FAM107B: variants seen among roughly 807,000 people sequenced by gnomAD.
FAM107B encodes family with sequence similarity 107 member B.
Under a neutral mutation model 31.5 loss-of-function variants are expected in FAM107B, and 21 were observed. The ratio of observed to expected loss-of-function variants is 0.67; its 90% confidence interval spans 0.47 to 0.96. The LOEUF (loss-of-function observed/expected upper bound fraction) is 0.96, where lower values mean the gene tolerates loss of function less well. Ranked by LOEUF, FAM107B falls within the 40% of genes least tolerant of loss-of-function variation. The probability of loss-of-function intolerance (pLI) is 0.00; values close to 1 mark genes in which losing one functional copy is unlikely to be tolerated. For missense variants in FAM107B, 452 were observed against 377.1 expected, an observed-to-expected ratio of 1.20 and a Z score of -1.64; for synonymous variants, 157 against 141.5, an observed-to-expected ratio of 1.11 and a Z score of -0.78.
intron 1 of FAM107B, among the ~76,000 whole-genome samples, chr10:14,736,562 A>G (rs1057081801): frequency 6.6e-6 from 1 of 152,232 alleles, no homozygotes; most frequent in Non-Finnish European, 1.5e-5. Flanking sequence ...TTACCAAAAA[A>G]TAAAAACAAG....
At chr10:14,761,033 A>AG (rs1229230836) in intron 1 of FAM107B, among the ~76,000 whole-genome samples, 3 of 150,870 alleles carry the variant, frequency 2.0e-5, no homozygotes, top group Admixed American at 6.6e-5. Context: ...AAAAAAAAAA[A>AG]AAAGAAAGAC....
At chr10:14,581,414 C>T (rs2131305880) in intron 2 of FAM107B, among the ~76,000 whole-genome samples, 1 of 152,314 alleles carries the variant, frequency 6.6e-6, no homozygotes, top group Middle Eastern at 3.4e-3. Context: ...AGATGCATTC[C>T]ACAACTCAAG....
chr10:14,691,978 C>G (rs146720651), intron 1 of FAM107B, among the ~76,000 whole-genome samples: 2 of 152,000 alleles, frequency 1.3e-5, no homozygotes, highest in Non-Finnish European at 2.9e-5. Context: ...ATGCTTCTAC[C>G]TACATCACTG....
At chr10:14,759,047 G>T (rs922965591) in intron 1 of FAM107B, among the ~76,000 whole-genome samples, 3 of 151,452 alleles carry the variant, frequency 2.0e-5, no homozygotes, top group Non-Finnish European at 4.4e-5. Flanking sequence ...GTGTGGTGGC[G>T]CATGACTGTA....
At chr10:14,701,519 A>C (rs1037233079) in intron 1 of FAM107B, among the ~76,000 whole-genome samples, 1 of 152,236 alleles carries the variant, frequency 6.6e-6, no homozygotes, top group Admixed American at 6.5e-5. Flanking sequence ...TGCTGGGATC[A>C]TAGGCATGAG....
At chr10:14,552,956 A>C (rs1849392161) in intron 2 of FAM107B, among the ~76,000 whole-genome samples, 1 of 152,240 alleles carries the variant, frequency 6.6e-6, no homozygotes, top group East Asian at 1.9e-4. Flanking sequence ...TTGCCACAGT[A>C]ATTTGGCAGC....
At chr10:14,567,173 T>TA (rs1850743679) in intron 2 of FAM107B, among the ~76,000 whole-genome samples, 1 of 151,762 alleles carries the variant, frequency 6.6e-6, no homozygotes, top group Admixed American at 6.6e-5. Flanking sequence ...AATAAATAAA[T>TA]AAAAATAAAT....
Position 14,667,670 on chromosome 10 carries a change from GTTCTTCTCGAAA to G in FAM107B, c.421_432del (p.Phe141_Glu144del). On this transcript the variant is annotated inframe_deletion, in exon 2 of 5. Transcript: ENST00000181796. ...TTCTGCTCCAGCTCGAGGCATTTAG[GTTCTTCTCGAAA>G]TTCTTCTTCCTAAGCGCCAGCCCCA... 1 of 1,614,132 alleles carries G rather than the reference GTTCTTCTCGAAA, an allele frequency of 6.2e-7. No homozygotes were observed. The highest frequency in any genetic ancestry group is 8.5e-7 in the Non-Finnish European group (1 of 1,179,990).
chr10:14,691,422 G>A lies in FAM107B; in HGVS notation c.412-23731C>T, dbSNP rs916659890. ...GTTACTCTGCGGGCCAAGCTCCCTC[G>A]CCCTGCTGAGTGGTAAGGCTGCTGC... On this transcript the variant is annotated intron_variant, in intron 1 of 4. Coordinates refer to ENST00000181796, the MANE Select transcript of FAM107B (RefSeq NM_031453.4). 2.0e-5 allele frequency among the ~76,000 whole-genome samples: 3 copies of A among 152,158 alleles called. No individual in the cohort carries two copies. The East Asian group carries it at 5.8e-4, about 29-fold the overall frequency.
intron 1 of FAM107B, among the ~76,000 whole-genome samples, chr10:14,766,839 C>G (rs902225735): frequency 1.3e-5 from 2 of 150,528 alleles, no homozygotes; most frequent in Admixed American, 1.3e-4. Flanking sequence ...AACAGAAAGA[C>G]TTGGATCATG....
chr10:14,691,569 T>A (rs74959009), intron 1 of FAM107B, among the ~76,000 whole-genome samples: 133 of 152,244 alleles, frequency 8.7e-4, no homozygotes, highest in African/African-American at 3.1e-3. Flanking sequence ...CTTATCTTCC[T>A]CCTTCAACAG....
intron 2 of FAM107B, among the ~76,000 whole-genome samples, chr10:14,558,590 A>AT (rs3832656): frequency 4.0e-5 from 6 of 151,280 alleles, no homozygotes; most frequent in African/African-American, 1.2e-4. Flanking sequence ...CCTGATCTTG[A>AT]TTTTTTTTTT....
intron 1 of FAM107B, among the ~76,000 whole-genome samples, chr10:14,731,398 C>T (rs1352328931): frequency 6.6e-6 from 1 of 152,044 alleles, no homozygotes; most frequent in African/African-American, 2.4e-5. Flanking sequence ...CCCATCTCTA[C>T]TAAAAATACA....
At chr10:14,570,476 C>T (rs1442526873) in intron 2 of FAM107B, among the ~76,000 whole-genome samples, 2 of 152,276 alleles carry the variant, frequency 1.3e-5, no homozygotes, top group African/African-American at 4.8e-5. Context: ...CCACCCAAGA[C>T]ATTCTCTCCC....
At chr10:14,582,382 T>TTA (rs1851665346) in intron 2 of FAM107B, among the ~76,000 whole-genome samples, 1 of 142,456 alleles carries the variant, frequency 7.0e-6, no homozygotes, top group Non-Finnish European at 1.5e-5. Flanking sequence ...TTTCTTTTTT[T>TTA]TTTTTTTTTT....
At chr10:14,583,645 G>C (rs1160220347) in intron 2 of FAM107B, among the ~76,000 whole-genome samples, 1 of 152,156 alleles carries the variant, frequency 6.6e-6, no homozygotes, top group Non-Finnish European at 1.5e-5. Flanking sequence ...TGGGGACGGA[G>C]GAAGAAGAAG....
At position 14,728,372 on chromosome 10, in the gene FAM107B, C is replaced by T. The variant is rs80020153; in HGVS notation, c.411+45881G>A. Among the ~76,000 whole-genome samples the T allele has an allele frequency of 1.0e-3, 155 of 150,524 alleles. 2 individuals carry two copies. In the East Asian group the frequency reaches 0.019, roughly 18 times the overall value. On this transcript the variant is annotated intron_variant, in intron 1 of 4. Transcript: ENST00000181796. ...GTGTGCTTTTTTTTTTAATCTCCAG[C>T]GGTAGAAATTACTATTTTTGAAAAT...
At chr10:14,630,802 GATC>G (rs1853335133) in intron 2 of FAM107B, among the ~76,000 whole-genome samples, 1 of 152,092 alleles carries the variant, frequency 6.6e-6, no homozygotes, top group Admixed American at 6.6e-5. Flanking sequence ...GGTGAGCCAT[GATC>G]ATGTCACTGC....
chr10:14,659,466 AAGC>A (rs1854167993), intron 2 of FAM107B, among the ~76,000 whole-genome samples: 1 of 151,218 alleles, frequency 6.6e-6, no homozygotes, highest in Non-Finnish European at 1.5e-5. Context: ...AAAACAAAAC[AAGC>A]AAACAAAAAA....
Sources: allele counts gnomAD v4.1 joint callset (sites outside exome capture counted in the v4.1 genomes callset), GRCh38; gene constraint gnomAD v4.1.1; transcripts MANE v1.5; gene names NCBI Gene and HGNC (gene_info 2026-07-23, HGNC 2026-07-21).